The following GSE1 variants were observed in gnomAD, a reference collection of about 807,000 sequenced individuals.
GSE1 encodes Gse1 coiled-coil protein.
In GSE1, 32 loss-of-function variants were observed where a neutral mutation model predicts 112.6. The ratio of observed to expected loss-of-function variants is 0.28; its 90% CI spans 0.21 to 0.38. The LOEUF (loss-of-function observed/expected upper bound fraction) is 0.38, where lower values mean the gene tolerates loss of function less well. Among genes scored for constraint, GSE1 ranks in the 10% least tolerant of loss-of-function variants. The probability of loss-of-function intolerance (pLI) is 1.00; values close to 1 mark genes in which losing one functional copy is unlikely to be tolerated. For missense variants in GSE1, 2,348 were observed against 1,699.2 expected (o/e 1.38, Z -6.71); for synonymous variants, 1,115 against 735.6 (o/e 1.52, Z -8.35).
Position 85,668,163 on chromosome 16 carries a change from G to C in GSE1, c.3154G>C (p.Glu1052Gln), listed in dbSNP as rs768014700. ...HKGSVAVLSA[E>Q]QNHKVDTSVH... is the part of the protein sequence containing the mutation. ...AGGGAGCGTGGCTGTGCTGTCTGCA[G>C]AGCAGAACCACAAGGTTGACACGTC... Residue 1052 changes from glutamate to glutamine, a missense_variant, in exon 14 of 16, where the codon GAG becomes CAG. Coordinates refer to ENST00000253458, the MANE Select transcript of GSE1 (RefSeq NM_014615.5). 3 of 1,599,870 alleles carry C rather than the reference G, an allele frequency of 1.9e-6. No homozygotes were observed. Among genetic ancestry groups the C allele is most frequent in the African/African-American group, 1.3e-5 (1 of 74,734 alleles).
chr16:85,183,245 T>A (rs982899536), intron 1 of GSE1, among the ~76,000 whole-genome samples: 1 of 152,128 alleles, frequency 6.6e-6, no homozygotes, highest in African/African-American at 2.4e-5. Context: ...TCATGCACAC[T>A]CATGCACACA....
At chr16:85,349,434 G>A (rs1384206550) in intron 1 of GSE1, among the ~76,000 whole-genome samples, 1 of 152,130 alleles carries the variant, frequency 6.6e-6, no homozygotes, top group Non-Finnish European at 1.5e-5. Context: ...TCAGGACAGC[G>A]GGAGAAGAGG....
At chr16:85,518,457 A>C (rs1481111929) in intron 2 of GSE1, among the ~76,000 whole-genome samples, 4 of 152,060 alleles carry the variant, frequency 2.6e-5, no homozygotes, top group Admixed American at 2.6e-4. Flanking sequence ...GAGGAAACCG[A>C]GGCGCAGAAG....
chr16:85,309,502 T>TAATAAATA (rs74276410), intron 1 of GSE1, among the ~76,000 whole-genome samples: 34,656 of 150,668 alleles, frequency 0.23, 5,082 homozygotes, highest in South Asian at 0.4. Context: ...TCTAAAACAA[T>TAATAAATA]AATAAATAAA....
intron 2 of GSE1, among the ~76,000 whole-genome samples, chr16:85,467,937 G>A (rs1401096796): frequency 4.6e-5 from 7 of 152,164 alleles, no homozygotes; most frequent in South Asian, 4.1e-4. Flanking sequence ...CGTCTGCATC[G>A]AAAGCTACAC....
chr16:85,209,046 C>T (rs533833965), intron 1 of GSE1, among the ~76,000 whole-genome samples: 2 of 150,938 alleles, frequency 1.3e-5, no homozygotes, highest in South Asian at 4.2e-4. Context: ...TGGGGTTTGC[C>T]ACTTGTTGGG....
At chr16:85,407,998 GC>G (rs1356790208) in intron 2 of GSE1, among the ~76,000 whole-genome samples, 3 of 43,164 alleles carry the variant, frequency 7.0e-5, no homozygotes, top group African/African-American at 2.1e-4. Flanking sequence ...TACACTCAGG[GC>G]CCCCTGGATA....
chr16:85,369,277 G>A lies in GSE1; in HGVS notation c.2464+11634G>A, dbSNP rs562029947. Reference sequence around the variant, plus strand: ...GTGGCCCAGGCTGGAGTGCAGTGGCGTGATCACGGCTCACTGCAACCTTGA... The same window carrying A: ...GTGGCCCAGGCTGGAGTGCAGTGGCATGATCACGGCTCACTGCAACCTTGA... On this transcript the variant is annotated intron_variant, in intron 2 of 2. Coordinates refer to the GSE1 transcript ENST00000637419. Among the ~76,000 whole-genome samples the A allele has an allele frequency of 3.3e-5, 5 of 152,094 alleles. No homozygotes were observed. In the South Asian group the frequency reaches 1.0e-3, roughly 32 times the overall value.
chr16:85,508,797 G>A (rs755536264), intron 2 of GSE1, among the ~76,000 whole-genome samples: 1 of 152,336 alleles, frequency 6.6e-6, no homozygotes, highest in South Asian at 2.1e-4. Context: ...CTGAACTGGG[G>A]TCCTTGAACT....
intron 14 of GSE1, among the ~76,000 whole-genome samples, chr16:85,669,619 C>G (rs943190301): frequency 1.3e-5 from 2 of 152,294 alleles, no homozygotes; most frequent in East Asian, 1.9e-4. Context: ...TTTAACTCTC[C>G]TAGATGAAAT....
At chr16:85,480,410 C>T (rs367746594) in intron 2 of GSE1, among the ~76,000 whole-genome samples, 1 of 152,336 alleles carries the variant, frequency 6.6e-6, no homozygotes, top group East Asian at 1.9e-4. Context: ...GAGCCTCCAC[C>T]CCCCTCTGCC....
chr16:85,382,614 G>A (rs2047573475), intron 2 of GSE1, among the ~76,000 whole-genome samples: 1 of 152,174 alleles, frequency 6.6e-6, no homozygotes, highest in Non-Finnish European at 1.5e-5. Context: ...TGGGTAAGAT[G>A]GGAGGGACAG....
chr16:85,487,818 C>T (rs918683509), intron 2 of GSE1, among the ~76,000 whole-genome samples: 4 of 152,242 alleles, frequency 2.6e-5, no homozygotes, highest in African/African-American at 9.6e-5. Context: ...TCTGTGTGAC[C>T]TTGCACGGTT....
chr16:85,185,745 G>A (rs1049668876), intron 1 of GSE1, among the ~76,000 whole-genome samples: 3 of 152,260 alleles, frequency 2.0e-5, no homozygotes, highest in South Asian at 4.1e-4. Context: ...CTGGTGCTTC[G>A]CCCTCGCCAG....
intron 2 of GSE1, among the ~76,000 whole-genome samples, chr16:85,423,319 A>C (rs968413017): frequency 3.9e-5 from 6 of 152,168 alleles, no homozygotes; most frequent in African/African-American, 1.4e-4. Flanking sequence ...GGAGATGTCC[A>C]ATGGCCTCAC....
intron 12 of GSE1, among the ~76,000 whole-genome samples, chr16:85,665,423 A>G (rs1054954905): frequency 3.9e-5 from 6 of 152,188 alleles, no homozygotes; most frequent in Admixed American, 2.0e-4. Flanking sequence ...AGAGGCTCAC[A>G]TGGAGGCCAA....
At chr16:85,189,220 C>G (rs2074772970) in intron 1 of GSE1, among the ~76,000 whole-genome samples, 1 of 152,232 alleles carries the variant, frequency 6.6e-6, no homozygotes, top group Non-Finnish European at 1.5e-5. Context: ...CTGACCTAGA[C>G]ACTTATCTGT....
chr16:85,611,566 G>A (rs1329568908), upstream of GSE1: 2 of 769,430 alleles, frequency 2.6e-6, no homozygotes, highest in African/African-American at 1.9e-5. Context: ...CGGCCTCGCC[G>A]GTCCGTTTCC....
intron 1 of GSE1, among the ~76,000 whole-genome samples, chr16:85,589,619 G>A (rs760985332): frequency 1.3e-4 from 20 of 152,156 alleles, no homozygotes; most frequent in Admixed American, 3.3e-4. Context: ...GTGTGTATGC[G>A]CATATGTGTG....
Sources: allele counts gnomAD v4.1 joint callset (sites outside exome capture counted in the v4.1 genomes callset), GRCh38; gene constraint gnomAD v4.1.1; transcripts MANE v1.5; gene names NCBI Gene and HGNC (gene_info 2026-07-23, HGNC 2026-07-21).